FSTL4: variants seen among roughly 807,000 people sequenced by gnomAD.
FSTL4 encodes follistatin-related protein 4.
FSTL4 carries 28 observed loss-of-function variants against 78.2 expected under a neutral mutation model. The ratio of observed to expected loss-of-function variants is 0.36; its 90% CI spans 0.27 to 0.49. The LOEUF (loss-of-function observed/expected upper bound fraction) is 0.49, where lower values mean the gene tolerates loss of function less well. FSTL4 is among the 20% of genes least tolerant of loss of function. The pLI is 0.98. For synonymous variants in FSTL4, 422 were observed against 440.5 expected (o/e 0.96, Z 0.53); for missense variants, 922 against 1,084.9 (o/e 0.85, Z 2.11).
At chr5:133,305,600 C>T (rs1753639231) in intron 6 of FSTL4, among the ~76,000 whole-genome samples, 1 of 152,186 alleles carries the variant, frequency 6.6e-6, no homozygotes, top group Non-Finnish European at 1.5e-5. Context: ...CATCTTTCTG[C>T]CTCTCTACCC....
In FSTL4 at chr5:133,536,152, A is replaced by G. The variant is rs184643261; in HGVS notation, c.160+31034T>C. ...CTGGTTAGCATCAGATTTTACCCCC[A>G]TTATAAAAGTAGTATCTGTTTATTG... On this transcript the variant is annotated intron_variant, in intron 3 of 15. Transcript: ENST00000265342. Among the ~76,000 whole-genome samples the G allele has an allele frequency of 4.7e-4, 71 of 152,380 alleles. No homozygotes were observed. The East Asian group carries it at 0.011, about 23-fold the overall frequency.
chr5:133,569,986 G>C (rs571841627), intron 2 of FSTL4, among the ~76,000 whole-genome samples: 2 of 151,894 alleles, frequency 1.3e-5, no homozygotes, highest in Non-Finnish European at 2.9e-5. Context: ...GAGGCGGGCG[G>C]ATCATGAGGT....
At chr5:133,537,785 TA>T (rs1554069396) in intron 3 of FSTL4, among the ~76,000 whole-genome samples, 6 of 148,486 alleles carry the variant, frequency 4.0e-5, no homozygotes, top group Non-Finnish European at 7.4e-5. Flanking sequence ...CTCTCTCACA[TA>T]TATATATATA....
At chr5:133,550,022 A>G (rs577605928) in intron 3 of FSTL4, among the ~76,000 whole-genome samples, 2 of 152,172 alleles carry the variant, frequency 1.3e-5, no homozygotes, top group Admixed American at 6.5e-5. Flanking sequence ...TCCTGTCCCC[A>G]TATCTCTTGA....
At chr5:133,331,792 C>G (rs560604776) in intron 4 of FSTL4, among the ~76,000 whole-genome samples, 1 of 152,122 alleles carries the variant, frequency 6.6e-6, no homozygotes, top group Admixed American at 6.5e-5. Context: ...CCAGCCATTT[C>G]GGGAGATCTT....
chr5:133,445,379 C>A (rs1757241830), intron 3 of FSTL4, among the ~76,000 whole-genome samples: 1 of 151,908 alleles, frequency 6.6e-6, no homozygotes, highest in Non-Finnish European at 1.5e-5. Context: ...GCAGCACAGG[C>A]CGGGGAGTGC....
intron 4 of FSTL4, among the ~76,000 whole-genome samples, chr5:133,335,425 G>A (rs530124875): frequency 9.9e-5 from 15 of 152,124 alleles, no homozygotes; most frequent in Non-Finnish European, 1.8e-4. Context: ...GACACAAAAA[G>A]AGACGTCAAG....
the FSTL4 span, among the ~76,000 whole-genome samples, chr5:133,771,490 C>T: frequency 6.6e-6 from 1 of 151,990 alleles, no homozygotes; most frequent in Non-Finnish European, 1.5e-5. Context: ...GCTGTTGTAG[C>T]TATTGTAAAT....
intron 14 of FSTL4, among the ~76,000 whole-genome samples, chr5:133,202,894 T>C (rs1581520814): frequency 1.3e-5 from 2 of 152,308 alleles, no homozygotes; most frequent in East Asian, 3.9e-4. Flanking sequence ...GCTGCACTCA[T>C]GTCAGGGAAG....
chr5:133,620,937 A>G, the FSTL4 span, among the ~76,000 whole-genome samples: 1 of 152,220 alleles, frequency 6.6e-6, no homozygotes, highest in Non-Finnish European at 1.5e-5. Context: ...TACCCAGAGG[A>G]AAATAAGTCA....
chr5:133,633,225 T>C, the FSTL4 span, among the ~76,000 whole-genome samples: 1 of 152,248 alleles, frequency 6.6e-6, no homozygotes, highest in South Asian at 2.1e-4. Flanking sequence ...TTTGAGTGCT[T>C]TTTCAGCCCT....
the FSTL4 span, among the ~76,000 whole-genome samples, chr5:133,746,273 A>T: frequency 6.6e-6 from 1 of 152,208 alleles, no homozygotes; most frequent in East Asian, 1.9e-4. Flanking sequence ...GTTAGCAAGC[A>T]CACTTTAGTA....
At chr5:133,386,537 T>C (rs1001678735) in intron 4 of FSTL4, among the ~76,000 whole-genome samples, 2 of 152,228 alleles carry the variant, frequency 1.3e-5, no homozygotes, top group Non-Finnish European at 2.9e-5. Flanking sequence ...AGATTCCCCA[T>C]TTCTTCAGGT....
chr5:133,718,996 T>C, the FSTL4 span, among the ~76,000 whole-genome samples: 2 of 152,376 alleles, frequency 1.3e-5, no homozygotes, highest in East Asian at 1.9e-4. Flanking sequence ...TTTAACTTTA[T>C]GATAGATATA....
chr5:133,337,811 G>C (rs1341147730), intron 4 of FSTL4, among the ~76,000 whole-genome samples: 1 of 152,216 alleles, frequency 6.6e-6, no homozygotes, highest in African/African-American at 2.4e-5. Flanking sequence ...GCAAACATAA[G>C]AGCTGGAGAA....
At chr5:133,216,495 C>T (rs1750913034) in intron 13 of FSTL4, among the ~76,000 whole-genome samples, 1 of 151,384 alleles carries the variant, frequency 6.6e-6, no homozygotes, top group Non-Finnish European at 1.5e-5. Context: ...ATTACAGGCA[C>T]CTGCCACCAC....
the FSTL4 span, among the ~76,000 whole-genome samples, chr5:133,809,749 C>T: frequency 1.3e-5 from 2 of 152,170 alleles, no homozygotes; most frequent in Non-Finnish European, 2.9e-5. Flanking sequence ...CAATGCCATG[C>T]GTCCCACAGC....
At chr5:133,478,605 A>G (rs1181268750) in intron 3 of FSTL4, among the ~76,000 whole-genome samples, 1 of 152,252 alleles carries the variant, frequency 6.6e-6, no homozygotes, top group Non-Finnish European at 1.5e-5. Flanking sequence ...TGTGTAGTTT[A>G]TCATCTGCCT....
intron 3 of FSTL4, among the ~76,000 whole-genome samples, chr5:133,534,084 A>G (rs887955548): frequency 1.3e-5 from 2 of 152,172 alleles, no homozygotes; most frequent in Non-Finnish European, 2.9e-5. Context: ...TTATTGGCTT[A>G]TAGTTCTGGA....
Sources: allele counts gnomAD v4.1 joint callset (sites outside exome capture counted in the v4.1 genomes callset), GRCh38; gene constraint gnomAD v4.1.1; transcripts MANE v1.5; gene names NCBI Gene and HGNC (gene_info 2026-07-23, HGNC 2026-07-21).